The following RAB33B variants were observed in gnomAD, a reference collection of about 807,000 sequenced individuals.
RAB33B encodes ras-related protein Rab-33B.
Under a neutral mutation model 15.0 loss-of-function variants are expected in RAB33B, and 6 were observed. That is an observed-to-expected ratio of 0.40 (90% CI 0.22 to 0.79). The LOEUF is 0.79. Among genes scored for constraint, RAB33B ranks in the 30% least tolerant of loss-of-function variants. The pLI is 0.37. For missense variants in RAB33B, 257 were observed against 296.4 expected, an observed-to-expected ratio of 0.87 and a Z score of 0.98; for synonymous variants, 117 against 108.3, an observed-to-expected ratio of 1.08 and a Z score of -0.50.
intron 1 of RAB33B, among the ~76,000 whole-genome samples, chr4:139,459,892 A>G (rs1167015550): frequency 6.6e-6 from 1 of 152,038 alleles, no homozygotes; most frequent in Non-Finnish European, 1.5e-5. Context: ...CGGCCTCCCA[A>G]AGCGCTGGGA....
chr4:139,468,749 G>T lies in RAB33B; in HGVS notation c.250-3937G>T, dbSNP rs78548365. Among the ~76,000 whole-genome samples, 5 of 152,280 alleles carry T rather than the reference G, an allele frequency of 3.3e-5. No homozygotes were observed. In the South Asian group the frequency reaches 6.2e-4, roughly 19 times the overall value. On this transcript the variant is annotated intron_variant, in intron 1 of 1. Coordinates refer to ENST00000305626, the MANE Select transcript of RAB33B (RefSeq NM_031296.3). Reference sequence around the variant, plus strand: ...CAGCATTTCTTGTAGCAGAGGTATGGTATTGATCAAACCCTTCAGCTTTTG... The same window carrying T: ...CAGCATTTCTTGTAGCAGAGGTATGTTATTGATCAAACCCTTCAGCTTTTG...
chr4:139,454,205 G>A lies in RAB33B; in HGVS notation c.10G>A (p.Glu4Lys). Reference protein sequence around the residue: MAEEMESSLEASFS... With the variant: MAEKMESSLEASFS... ...GGGGCGGGTCGGGGGAATGGCTGAG[G>A]AGATGGAGTCGTCGCTCGAGGCAAG... Residue 4 changes from glutamate to lysine, a missense_variant, in exon 1 of 2, where the codon GAG (glutamate) becomes AAG (lysine). Coordinates refer to ENST00000305626, the MANE Select transcript of RAB33B (RefSeq NM_031296.3). 2 of 1,612,484 alleles carry A rather than the reference G, an allele frequency of 1.2e-6. No individual in the cohort carries two copies. The highest frequency in any genetic ancestry group is 1.7e-6 in the Non-Finnish European group (2 of 1,179,066).
intron 1 of RAB33B, among the ~76,000 whole-genome samples, chr4:139,458,422 C>A (rs1425058168): frequency 6.6e-6 from 1 of 152,110 alleles, no homozygotes; most frequent in Non-Finnish European, 1.5e-5. Flanking sequence ...AGCATAGTAC[C>A]CAATAGGTAT....
chr4:139,454,109 G>C, upstream of RAB33B: 21 of 1,470,064 alleles, frequency 1.4e-5, no homozygotes, highest in South Asian at 5.5e-5. Flanking sequence ...CGAACTGGCC[G>C]GCTGGGCGCG....
chr4:139,447,916 C>G, the RAB33B span, among the ~76,000 whole-genome samples: 1 of 151,904 alleles, frequency 6.6e-6, no homozygotes, highest in Non-Finnish European at 1.5e-5. Context: ...ATCTGCCCGC[C>G]TCGGCCTCCC....
At chr4:139,463,458 A>T (rs1040863365) in intron 1 of RAB33B, among the ~76,000 whole-genome samples, 1 of 152,224 alleles carries the variant, frequency 6.6e-6, no homozygotes, top group African/African-American at 2.4e-5. Flanking sequence ...TGTTATCTTT[A>T]TAATGTTTAA....
chr4:139,445,601 T>G, the RAB33B span, among the ~76,000 whole-genome samples: 1 of 152,230 alleles, frequency 6.6e-6, no homozygotes. Context: ...CAACGCCTAG[T>G]GGGCCCATTT....
intron 1 of RAB33B, among the ~76,000 whole-genome samples, chr4:139,469,242 C>A (rs1027871935): frequency 1.3e-5 from 2 of 152,076 alleles, no homozygotes; most frequent in African/African-American, 4.8e-5. Context: ...GGCGTGCTCC[C>A]TTGTTTTTTA....
At chr4:139,470,533 G>A (rs923509716) in intron 1 of RAB33B, among the ~76,000 whole-genome samples, 1 of 152,076 alleles carries the variant, frequency 6.6e-6, no homozygotes, top group African/African-American at 2.4e-5. Context: ...AGGCCCCCCT[G>A]TGGCCATGCT....
chr4:139,448,968 TGA>T (rs1579168036), upstream of RAB33B: 1 of 152,322 alleles, frequency 6.6e-6, no homozygotes, highest in East Asian at 1.9e-4. Flanking sequence ...CTGCATGTGC[TGA>T]GAGCTGTCAA....
At chr4:139,469,239 T>C (rs1750347511) in intron 1 of RAB33B, among the ~76,000 whole-genome samples, 1 of 152,184 alleles carries the variant, frequency 6.6e-6, no homozygotes. Context: ...GTAGGCGTGC[T>C]CCCTTGTTTT....
In RAB33B at chr4:139,456,516, T is replaced by C. The variant is rs192373900; in HGVS notation, c.249+2072T>C. 3.2e-4 allele frequency among the ~76,000 whole-genome samples: 49 copies of C among 151,654 alleles called. 1 individual carries two copies. The East Asian group carries it at 9.4e-3, about 29-fold the overall frequency. On this transcript the variant is annotated intron_variant, in intron 1 of 1. Transcript: ENST00000305626. The stretch of plus-strand genomic sequence containing the variant: ...TGAGGTGAGTGCTGGCAGTGATAAA[T>C]AAGACAGAACCACAGGTATGACGAA...
intron 1 of RAB33B, among the ~76,000 whole-genome samples, chr4:139,469,378 T>C (rs1750350486): frequency 6.6e-6 from 1 of 152,242 alleles, no homozygotes; most frequent in Admixed American, 6.5e-5. Flanking sequence ...AATCTCTTTG[T>C]TGAATTTATC....
the RAB33B span, among the ~76,000 whole-genome samples, chr4:139,442,042 C>T: frequency 2.0e-5 from 3 of 152,080 alleles, no homozygotes; most frequent in East Asian, 1.9e-4. Context: ...TCTGCAATCA[C>T]GGTTGCGATT....
the RAB33B span, among the ~76,000 whole-genome samples, chr4:139,439,720 CT>C: frequency 6.6e-6 from 1 of 152,130 alleles, no homozygotes; most frequent in Non-Finnish European, 1.5e-5. Context: ...TCTTCAATCT[CT>C]TTTCTTTCTG....
the RAB33B span, among the ~76,000 whole-genome samples, chr4:139,448,227 G>A: frequency 3.5e-3 from 534 of 152,224 alleles, 1 homozygote; most frequent in Non-Finnish European, 4.7e-3. Context: ...TTTGGGTTAC[G>A]CCACCAGGAA....
chr4:139,459,085 C>T (rs1341110103), intron 1 of RAB33B, among the ~76,000 whole-genome samples: 2 of 151,194 alleles, frequency 1.3e-5, no homozygotes, highest in African/African-American at 4.9e-5. Context: ...ATGTCCTTTG[C>T]CCTCTTCTTA....
Position 139,463,360 on chromosome 4 carries a change from T to G in RAB33B, c.249+8916T>G, listed in dbSNP as rs908817705. Reference sequence around the variant, plus strand: ...CATGTTGGCCAGGCTGGTCTTGAACTCCTGACCTCAAGTGATCCACCCACC... The same window carrying G: ...CATGTTGGCCAGGCTGGTCTTGAACGCCTGACCTCAAGTGATCCACCCACC... On this transcript the variant is annotated intron_variant, in intron 1 of 1. Coordinates refer to ENST00000305626, the MANE Select transcript of RAB33B (RefSeq NM_031296.3). 1.1e-4 allele frequency among the ~76,000 whole-genome samples: 17 copies of G among 152,228 alleles called. No homozygotes were observed. In the East Asian group the frequency reaches 3.3e-3, roughly 29 times the overall value.
At chr4:139,464,877 G>C (rs2111079326) in intron 1 of RAB33B, among the ~76,000 whole-genome samples, 1 of 152,314 alleles carries the variant, frequency 6.6e-6, no homozygotes, top group East Asian at 1.9e-4. Flanking sequence ...ATAGTCTCAT[G>C]ATTTATAATC....
Sources: allele counts gnomAD v4.1 joint callset (sites outside exome capture counted in the v4.1 genomes callset), GRCh38; gene constraint gnomAD v4.1.1; transcripts MANE v1.5; gene names NCBI Gene and HGNC (gene_info 2026-07-23, HGNC 2026-07-21).